The following NDC80 variants were observed in gnomAD, a reference collection of about 807,000 sequenced individuals.
NDC80 encodes the protein NDC80 kinetochore complex component.
In NDC80, 69 loss-of-function variants were observed where a neutral mutation model predicts 89.3. That is an observed-to-expected ratio of 0.77 (90% CI 0.64 to 0.94). The LOEUF (loss-of-function observed/expected upper bound fraction) is 0.94. Among genes scored for constraint, NDC80 ranks in the 40% least tolerant of loss-of-function variants. The pLI is 0.00. For synonymous variants in NDC80, 243 were observed against 255.6 expected, an observed-to-expected ratio of 0.95 and a Z score of 0.47; for missense variants, 593 against 739.6, an observed-to-expected ratio of 0.80 and a Z score of 2.30.
intron 13 of NDC80, among the ~76,000 whole-genome samples, chr18:2,604,312 A>G (rs1224662759): frequency 1.3e-5 from 2 of 152,244 alleles, no homozygotes; most frequent in Non-Finnish European, 2.9e-5. Flanking sequence ...GGTGTTGGCC[A>G]ATGGATACAC....
intron 10 of NDC80, 60 bp downstream of exon 10, chr18:2,590,222 A>G (rs1211468167): frequency 1.6e-5 from 23 of 1,445,726 alleles, no homozygotes; most frequent in Non-Finnish European, 2.1e-5. Flanking sequence ...TGTCACATGT[A>G]AAAACAGCTT....
At chr18:2,579,253 T>G (rs1224099788) in intron 6 of NDC80, 8 of 368,890 alleles carry the variant, frequency 2.2e-5, no homozygotes, top group Non-Finnish European at 3.4e-5. Flanking sequence ...GTTTTACAAC[T>G]CAAAAAAATG....
At chr18:2,602,561 G>T (rs1226938261) in intron 13 of NDC80, among the ~76,000 whole-genome samples, 1 of 151,984 alleles carries the variant, frequency 6.6e-6, no homozygotes, top group Non-Finnish European at 1.5e-5. Context: ...TGCTGTAATG[G>T]GTACTAAAAC....
intron 2 of NDC80, among the ~76,000 whole-genome samples, chr18:2,573,519 C>T (rs2072530830): frequency 6.6e-6 from 1 of 152,184 alleles, no homozygotes; most frequent in Non-Finnish European, 1.5e-5. Flanking sequence ...AAACACCACT[C>T]CTCCGAACTC....
intron 10 of NDC80, among the ~76,000 whole-genome samples, chr18:2,592,962 CA>C (rs1352141800): frequency 1.3e-5 from 2 of 149,574 alleles, no homozygotes; most frequent in African/African-American, 4.9e-5. Flanking sequence ...AAAACCTGAC[CA>C]GTTTGGTATG....
rs773909807 is a variant in NDC80, at chr18:2,601,433, A to C, written c.1412A>C (p.Glu471Ala). The change falls in exon 13 of 17, where the codon GAA (glutamate) becomes GCA (alanine). Residue 471 changes from glutamate (E) to alanine (A), a missense_variant. By Grantham distance (107) the Glu-to-Ala change is moderately radical. Transcript: ENST00000261597. ...LKELLNETEE[E>A]INKALNKKMG... ...GAACTCCTGAATGAAACTGAAGAAG[A>C]AATTAATAAAGCCCTAAATAAAAAA... 1 of 1,530,636 alleles carries C rather than the reference A, an allele frequency of 6.5e-7. No individual in the cohort carries two copies. Among genetic ancestry groups the C allele is most frequent in the Non-Finnish European group, 8.9e-7 (1 of 1,123,296 alleles). 94.8% of individuals were successfully genotyped at this position (1,530,636 alleles called of 1,614,324 possible).
At chr18:2,571,771 T>TC (rs1339710800) in intron 1 of NDC80, 88 bp downstream of exon 1, 1 of 152,116 alleles carries the variant, frequency 6.6e-6, no homozygotes, top group African/African-American at 2.4e-5. Context: ...AATTTAGAGG[T>TC]CCTGAGGCGA....
chr18:2,590,522 T>C (rs1024615285), intron 10 of NDC80, among the ~76,000 whole-genome samples: 4 of 152,204 alleles, frequency 2.6e-5, no homozygotes, highest in Non-Finnish European at 5.9e-5. Context: ...ATCTTCACAT[T>C]GCCTTCTCCT....
At chr18:2,587,353 G>A (rs2072607500) in intron 7 of NDC80, among the ~76,000 whole-genome samples, 1 of 152,122 alleles carries the variant, frequency 6.6e-6, no homozygotes, top group Non-Finnish European at 1.5e-5. Flanking sequence ...TCATTTTTTA[G>A]CCTGAAGTTA....
chr18:2,580,731 ATTTTTTTTTTTTTTT>A (rs71365186), intron 6 of NDC80, among the ~76,000 whole-genome samples: 572 of 55,502 alleles, frequency 0.01, 25 homozygotes, highest in Non-Finnish European at 0.013. Flanking sequence ...TCACCATCAG[ATTTTTTTTTTTTTTT>A]TTTTTTTTTT....
At position 2,595,399 on chromosome 18, in the gene NDC80, G is replaced by A. The variant is rs1233280483; in HGVS notation, c.1016-17G>A. 1.2e-6 allele frequency: 2 copies of A among 1,603,272 alleles called. No individual in the cohort carries two copies. The highest frequency in any genetic ancestry group is 1.3e-5 in the African/African-American group (1 of 74,454). ...GAATTGAAGATACATTAAAAATTTG[G>A]TTTTTTTCCAACACAGAACTAGAAT... On this transcript the variant is annotated splice_polypyrimidine_tract_variant and intron_variant, in intron 10 of 16. Transcript: ENST00000261597.
chr18:2,599,811 T>G (rs1231935514), intron 12 of NDC80, among the ~76,000 whole-genome samples: 3 of 152,240 alleles, frequency 2.0e-5, no homozygotes, highest in Non-Finnish European at 4.4e-5. Context: ...TACTTCAGTT[T>G]TGAATAGGAG....
chr18:2,597,494 G>A (rs2072662994), intron 11 of NDC80, among the ~76,000 whole-genome samples: 1 of 152,154 alleles, frequency 6.6e-6, no homozygotes, highest in Non-Finnish European at 1.5e-5. Flanking sequence ...ACTTTGGGAG[G>A]CCAAGGCAGG....
At chr18:2,588,945 A>G (rs2072614265) in intron 8 of NDC80, among the ~76,000 whole-genome samples, 1 of 152,168 alleles carries the variant, frequency 6.6e-6, no homozygotes, top group Non-Finnish European at 1.5e-5. Flanking sequence ...GTAGACAGAA[A>G]GAGGAAAATA....
intron 6 of NDC80, among the ~76,000 whole-genome samples, chr18:2,581,747 C>T (rs899079250): frequency 2.0e-5 from 3 of 152,146 alleles, no homozygotes; most frequent in African/African-American, 7.2e-5. Flanking sequence ...TTTTCTATCC[C>T]TGCTTCATGA....
chr18:2,597,892 G>A (rs2072665590), intron 11 of NDC80, among the ~76,000 whole-genome samples: 2 of 152,186 alleles, frequency 1.3e-5, no homozygotes, highest in African/African-American at 2.4e-5. Flanking sequence ...GGAGAGAAGA[G>A]AAGGAAGAAG....
chr18:2,574,873 T>A, intron 2 of NDC80, 116 bp from the exon 3 acceptor site: 1 of 674,144 alleles, frequency 1.5e-6, no homozygotes, highest in Non-Finnish European at 2.5e-6. Flanking sequence ...TTTTATGATT[T>A]TTGAATTATT....
intron 12 of NDC80, 39 bp downstream of exon 12, chr18:2,599,210 TG>T: frequency 6.5e-7 from 1 of 1,548,230 alleles, no homozygotes; most frequent in South Asian, 1.2e-5. Flanking sequence ...TTTTTAATTC[TG>T]TGATTGGTAT....
Position 2,587,849 on chromosome 18 carries a change from T to A in NDC80, c.689T>A (p.Ile230Lys), listed in dbSNP as rs199597516. 1.2e-6 allele frequency: 2 copies of A among 1,613,538 alleles called. No homozygotes were observed. The highest frequency in any genetic ancestry group is 4.5e-5 in the East Asian group (2 of 44,852). Reference sequence around the variant, plus strand: ...CCATAGTTGTTTTTGGACTACACCATAAAATGCTATGAGAGTTTTATGAGT... The same window carrying A: ...CCATAGTTGTTTTTGGACTACACCAAAAAATGCTATGAGAGTTTTATGAGT... ...MHNKLFLDYT[I>K]KCYESFMSGA... is the part of the protein sequence containing the mutation. Residue 230 changes from isoleucine to lysine, a missense_variant, in exon 8 of 17, where the codon ATA (isoleucine) becomes AAA (lysine). By Grantham distance (102) the Ile-to-Lys change is moderately radical. Transcript: ENST00000261597.
Sources: allele counts gnomAD v4.1 joint callset (sites outside exome capture counted in the v4.1 genomes callset), GRCh38; gene constraint gnomAD v4.1.1; transcripts MANE v1.5; gene names NCBI Gene and HGNC (gene_info 2026-07-23, HGNC 2026-07-21).